The following STAG1 variants were observed in gnomAD, a reference collection of about 807,000 sequenced individuals.
The protein encoded by STAG1 is STAG1 cohesin complex component, also known as cohesin subunit SA-1.
STAG1 carries 26 observed loss-of-function variants against 170.9 expected under a neutral mutation model. The observed-to-expected ratio is 0.15, with a 90% CI of 0.11 to 0.21. The LOEUF (loss-of-function observed/expected upper bound fraction) is 0.21, where lower values mean the gene tolerates loss of function less well. Among genes scored for constraint, STAG1 ranks in the 10% least tolerant of loss-of-function variants. The pLI is 1.00. For missense variants in STAG1, 964 were observed against 1,509.5 expected, an observed-to-expected ratio of 0.64 and a Z score of 5.99; for synonymous variants, 514 against 497.7, an observed-to-expected ratio of 1.03 and a Z score of -0.44.
At chr3:136,640,921 C>T (rs556386757) in intron 1 of STAG1, among the ~76,000 whole-genome samples, 4 of 152,274 alleles carry the variant, frequency 2.6e-5, no homozygotes, top group African/African-American at 9.6e-5. Flanking sequence ...GTGATCTGCC[C>T]GCCTTGGCCT....
intron 2 of STAG1, 36 bp from the exon 3 acceptor site, chr3:136,623,284 A>T: frequency 6.3e-7 from 1 of 1,578,436 alleles, no homozygotes; most frequent in Non-Finnish European, 8.7e-7. Flanking sequence ...GAACAAATTA[A>T]TAAGTATAAT....
At chr3:136,338,629 T>C (rs1935807438) in intron 32 of STAG1, among the ~76,000 whole-genome samples, 179 bp from the exon 33 acceptor site, 1 of 152,242 alleles carries the variant, frequency 6.6e-6, no homozygotes, top group Admixed American at 6.5e-5. Context: ...CAAACAGTAC[T>C]TTTGGCTTTT....
chr3:136,590,684 C>T (rs1938120153), intron 4 of STAG1, among the ~76,000 whole-genome samples: 1 of 151,982 alleles, frequency 6.6e-6, no homozygotes, highest in Non-Finnish European at 1.5e-5. Context: ...TGAGCTGTAA[C>T]TGTAGAGTAT....
Position 136,378,661 on chromosome 3 carries a change from C to G in STAG1, c.2278-909G>C, listed in dbSNP as rs189496466. 2.2e-3 allele frequency among the ~76,000 whole-genome samples: 337 copies of G among 152,254 alleles called. 7 individuals are homozygous for G. Among genetic ancestry groups the G allele is most frequent in the Non-Finnish European group, 3.2e-4 (22 of 68,006 alleles). ...CCAGCCTGGGTGACAGAGCAAGACC[C>G]TGGCTTAAAATATTTTAAATTTATC... On this transcript the variant is annotated intron_variant, in intron 22 of 33. Coordinates refer to ENST00000383202, the MANE Select transcript of STAG1 (RefSeq NM_005862.3).
chr3:136,338,215 AAAT>A lies in STAG1; in HGVS notation c.*36_*38del. On this transcript the variant is annotated 3_prime_UTR_variant, in exon 34 of 34. Transcript: ENST00000383202. Reference sequence around the variant, plus strand: ...TCACAGTATATAGGCCTCTAGCTCTAAATAATAGAGTTCCAGATTTGTAAATTT... The same window carrying A: ...TCACAGTATATAGGCCTCTAGCTCTAAATAGAGTTCCAGATTTGTAAATTT... 3 of 1,491,214 alleles carry A rather than the reference AAAT, an allele frequency of 2.0e-6. No homozygotes were observed. The highest frequency in any genetic ancestry group is 9.3e-7 in the Non-Finnish European group (1 of 1,071,556). 92.4% of individuals were successfully genotyped at this position (1,491,214 alleles called of 1,614,324 possible). A position where few individuals can be genotyped will look rare whatever the true frequency, so the allele number is the denominator to read the frequency against.
At chr3:136,628,369 T>C (rs1405613516) in intron 2 of STAG1, among the ~76,000 whole-genome samples, 1 of 152,128 alleles carries the variant, frequency 6.6e-6, no homozygotes, top group African/African-American at 2.4e-5. Flanking sequence ...GAAAAAAACA[T>C]AATTCTGAAC....
chr3:136,705,374 ATC>A (rs1479636923), intron 1 of STAG1, among the ~76,000 whole-genome samples: 5 of 119,574 alleles, frequency 4.2e-5, no homozygotes, highest in South Asian at 2.7e-4. Flanking sequence ...TCACATGATC[ATC>A]AAACACACAC....
intron 15 of STAG1, among the ~76,000 whole-genome samples, chr3:136,435,392 G>C (rs994925252): frequency 6.6e-6 from 1 of 152,132 alleles, no homozygotes; most frequent in Non-Finnish European, 1.5e-5. Context: ...AACTCAGGTA[G>C]TTTGACCCCA....
At chr3:136,514,047 T>TG (rs1362870902) in intron 7 of STAG1, among the ~76,000 whole-genome samples, 1 of 152,196 alleles carries the variant, frequency 6.6e-6, no homozygotes, top group Non-Finnish European at 1.5e-5. Flanking sequence ...AGTCATAAGA[T>TG]GGTACCATTA....
At chr3:136,644,981 C>T (rs1940949571) in intron 1 of STAG1, among the ~76,000 whole-genome samples, 1 of 152,206 alleles carries the variant, frequency 6.6e-6, no homozygotes, top group South Asian at 2.1e-4. Context: ...CCTCCTACCT[C>T]GATCTCCCGA....
In STAG1 at chr3:136,366,932, T is replaced by A; in HGVS notation, c.2685+11A>T. 6.5e-7 allele frequency: 1 copy of A among 1,535,514 alleles called. No individual in the cohort carries two copies. The highest frequency in any genetic ancestry group is 1.4e-5 in the African/African-American group (1 of 73,162). On this transcript the variant is annotated intron_variant, in intron 25 of 33. Transcript: ENST00000383202. ...TAGAGGAAGGAGAAAAATAAGAATATTTAACTATACCTTCATGTAGTGTTT... is the reference window on the plus strand; with the variant it reads ...TAGAGGAAGGAGAAAAATAAGAATAATTAACTATACCTTCATGTAGTGTTT...
chr3:136,348,092 C>T (rs1481516884), intron 29 of STAG1, among the ~76,000 whole-genome samples: 4 of 152,146 alleles, frequency 2.6e-5, no homozygotes, highest in Non-Finnish European at 1.5e-5. Context: ...TTAGGCAGCA[C>T]AGGTAAGATG....
intron 6 of STAG1, among the ~76,000 whole-genome samples, chr3:136,526,941 A>T (rs988903271): frequency 1.5e-4 from 23 of 152,278 alleles, no homozygotes; most frequent in Admixed American, 5.2e-4. Flanking sequence ...TCTGGCTTGT[A>T]CAGTTTCTGC....
chr3:136,350,529 C>T (rs897448043), intron 28 of STAG1, among the ~76,000 whole-genome samples: 4 of 152,136 alleles, frequency 2.6e-5, no homozygotes, highest in Non-Finnish European at 2.9e-5. Flanking sequence ...AACTCCCTGT[C>T]GAGAGATTCC....
chr3:136,591,262 G>A (rs1938155787), intron 4 of STAG1, among the ~76,000 whole-genome samples: 1 of 146,966 alleles, frequency 6.8e-6, no homozygotes, highest in East Asian at 2.0e-4. Context: ...GAAGGGAGGA[G>A]GGAGGAGGGG....
At chr3:136,344,103 A>T in intron 29 of STAG1, 97 bp from the exon 30 acceptor site, 3 of 839,430 alleles carry the variant, frequency 3.6e-6, no homozygotes, top group Non-Finnish European at 5.2e-6. Flanking sequence ...CTCTGCAGTC[A>T]GACTGCCCAC....
chr3:136,478,213 C>A (rs1349871761), intron 9 of STAG1, among the ~76,000 whole-genome samples: 1 of 152,184 alleles, frequency 6.6e-6, no homozygotes, highest in South Asian at 2.1e-4. Context: ...GAAGAATCCA[C>A]CTCTAGTGAC....
In STAG1 at chr3:136,678,882, G is replaced by GA. The variant is rs543331662; in HGVS notation, c.-83-47902dup. Among the ~76,000 whole-genome samples the GA allele has an allele frequency of 5.0e-3, 507 of 100,868 alleles. 6 individuals are homozygous for GA. The South Asian group carries it at 0.054, about 11-fold the overall frequency. The allele number at this position is 100,868 out of a possible 152,430, so 66.2% of individuals were successfully genotyped here. Reference sequence around the variant, plus strand: ...AAAAAAAAAAGAAAAAGAAGAAAAAGAAAAAAAAAAAACAATCAGGCATGA... The same window carrying GA: ...AAAAAAAAAAGAAAAAGAAGAAAAAGAAAAAAAAAAAAACAATCAGGCATGA... On this transcript the variant is annotated intron_variant, in intron 1 of 33. Transcript: ENST00000383202.
intron 2 of STAG1, among the ~76,000 whole-genome samples, chr3:136,629,761 A>G (rs1940253062): frequency 6.6e-6 from 1 of 152,244 alleles, no homozygotes; most frequent in East Asian, 1.9e-4. Flanking sequence ...ATAACTGCTT[A>G]AAGTGCTCAT....
Sources: gnomAD v4.1 joint callset for allele counts (sites outside exome capture counted in the v4.1 genomes callset) on GRCh38, gnomAD v4.1.1 for gene constraint, MANE v1.5 for transcripts, NCBI Gene and HGNC (gene_info 2026-07-23, HGNC 2026-07-21) for gene names.